Variants in KLHL1 observed in about 807,000 individuals in gnomAD.
The protein encoded by KLHL1 is kelch-like protein 1.
In KLHL1, 47 loss-of-function variants were observed where a neutral mutation model predicts 77.7. The ratio of observed to expected loss-of-function variants is 0.60; its 90% CI spans 0.48 to 0.77. The LOEUF is 0.77. Among genes scored for constraint, KLHL1 ranks in the 30% least tolerant of loss-of-function variants. KLHL1 has a pLI of 0.00. For missense variants in KLHL1, 925 were observed against 910.8 expected (o/e 1.02, Z -0.20); for synonymous variants, 360 against 325.2 (o/e 1.11, Z -1.15).
At chr13:69,985,329 T>G (rs925115599) in intron 1 of KLHL1, among the ~76,000 whole-genome samples, 1 of 151,940 alleles carries the variant, frequency 6.6e-6, no homozygotes, top group Non-Finnish European at 1.5e-5. Flanking sequence ...AAGAACTTAA[T>G]AGACATTTCT....
rs138229739 is a variant in KLHL1, at chr13:69,953,767, G to A, written c.817+7541C>T. Among the ~76,000 whole-genome samples the A allele has an allele frequency of 7.3e-5, 11 of 151,020 alleles. No homozygotes were observed. The East Asian group carries it at 2.1e-3, about 29-fold the overall frequency. On this transcript the variant is annotated intron_variant, in intron 3 of 10. Coordinates refer to ENST00000377844, the MANE Select transcript of KLHL1 (RefSeq NM_020866.3). ...TAATGCTGAAACATATAATAAATTG[G>A]ACTCAAAATTAATAAATGATTGATA... is the stretch of plus-strand genomic sequence containing the variant.
intron 7 of KLHL1, among the ~76,000 whole-genome samples, chr13:69,785,418 C>T (rs1489646912): frequency 9.2e-5 from 14 of 151,966 alleles, no homozygotes; most frequent in South Asian, 2.1e-4. Flanking sequence ...GGGTACATAA[C>T]GAAATGAAGG....
At chr13:69,955,914 TATATATATTTATATATATTTG>T (rs1165304991) in intron 3 of KLHL1, among the ~76,000 whole-genome samples, 6 of 117,152 alleles carry the variant, frequency 5.1e-5, no homozygotes, top group Non-Finnish European at 8.8e-5. Flanking sequence ...ATATATTTGA[TATATATATTTATATATATTTG>T]ATATATATTT....
chr13:69,731,606 T>C (rs1037525691), intron 8 of KLHL1, among the ~76,000 whole-genome samples: 1 of 152,216 alleles, frequency 6.6e-6, no homozygotes, highest in Non-Finnish European at 1.5e-5. Context: ...TAAAGTTCAA[T>C]AGCGAACACT....
At chr13:70,034,526 A>G (rs1886191861) in intron 1 of KLHL1, among the ~76,000 whole-genome samples, 1 of 152,232 alleles carries the variant, frequency 6.6e-6, no homozygotes, top group Admixed American at 6.5e-5. Context: ...CTGTATTTAT[A>G]TGCATCACTG....
chr13:69,775,283 T>TA lies in KLHL1; in HGVS notation c.1639+21454dup, dbSNP rs543413481. On this transcript the variant is annotated intron_variant, in intron 7 of 10. Coordinates refer to ENST00000377844, the MANE Select transcript of KLHL1 (RefSeq NM_020866.3). ...AGGTTACACTGTTGGTCAATTGTCA[T>TA]AAAAAAAAGAGGTACTAGTGACTCA... Among the ~76,000 whole-genome samples, 52 of 151,632 alleles carry TA rather than the reference T, an allele frequency of 3.4e-4. 1 individual carries two copies. In the South Asian group the frequency reaches 7.3e-3, roughly 21 times the overall value.
chr13:69,878,984 A>T (rs1474938441), intron 5 of KLHL1, among the ~76,000 whole-genome samples: 1 of 152,164 alleles, frequency 6.6e-6, no homozygotes, highest in Non-Finnish European at 1.5e-5. Context: ...CATCATTCTC[A>T]GCAAACTATC....
chr13:69,725,587 A>G (rs1260259584), intron 8 of KLHL1, among the ~76,000 whole-genome samples: 1 of 152,194 alleles, frequency 6.6e-6, no homozygotes, highest in African/African-American at 2.4e-5. Context: ...TTGGTGGACA[A>G]TTAGCCAAAC....
intron 7 of KLHL1, among the ~76,000 whole-genome samples, chr13:69,748,683 G>C (rs1874332020): frequency 6.6e-6 from 1 of 151,992 alleles, no homozygotes; most frequent in South Asian, 2.1e-4. Flanking sequence ...ATAACTCATA[G>C]TATTTGTGTG....
At chr13:69,985,641 C>A (rs1884843279) in intron 1 of KLHL1, among the ~76,000 whole-genome samples, 1 of 150,988 alleles carries the variant, frequency 6.6e-6, no homozygotes, top group South Asian at 2.1e-4. Flanking sequence ...GGGTATATGC[C>A]CAAAGGAAAT....
chr13:69,961,588 T>C (rs1884066192), intron 2 of KLHL1, 144 bp from the exon 3 acceptor site: 2 of 826,246 alleles, frequency 2.4e-6, no homozygotes, highest in African/African-American at 1.7e-5. Context: ...AGTTGTACTT[T>C]ACAAAACTGA....
intron 7 of KLHL1, among the ~76,000 whole-genome samples, chr13:69,771,349 T>C (rs1236335039): frequency 6.6e-6 from 1 of 152,140 alleles, no homozygotes; most frequent in Non-Finnish European, 1.5e-5. Context: ...CTATTATATT[T>C]AAAGTTGGCT....
At chr13:69,781,359 T>G (rs796282851) in intron 7 of KLHL1, among the ~76,000 whole-genome samples, 1 of 149,556 alleles carries the variant, frequency 6.7e-6, no homozygotes, top group Admixed American at 6.7e-5. Flanking sequence ...CTTGCTAAGA[T>G]TGGCAGAACC....
chr13:69,795,626 C>A (rs1354267034), intron 7 of KLHL1, among the ~76,000 whole-genome samples: 1 of 152,140 alleles, frequency 6.6e-6, no homozygotes, highest in Admixed American at 6.6e-5. Flanking sequence ...ATTTCATAGT[C>A]ATTTTAATTA....
At chr13:69,989,666 G>A (rs547425629) in intron 1 of KLHL1, among the ~76,000 whole-genome samples, 1 of 151,946 alleles carries the variant, frequency 6.6e-6, no homozygotes. Flanking sequence ...TCATTGTAGA[G>A]ATCCTTCACT....
At chr13:69,794,425 C>G (rs1877011003) in intron 7 of KLHL1, among the ~76,000 whole-genome samples, 1 of 151,132 alleles carries the variant, frequency 6.6e-6, no homozygotes. Context: ...CTACCATTAA[C>G]CAGCATTAGA....
chr13:69,972,996 T>C (rs1884435575), intron 2 of KLHL1, among the ~76,000 whole-genome samples: 1 of 151,984 alleles, frequency 6.6e-6, no homozygotes, highest in Admixed American at 6.6e-5. Flanking sequence ...TGATCAATTA[T>C]CTTGGGCTAT....
rs965200712 is a variant in KLHL1, at chr13:69,735,147, C to A, written c.1802+5247G>T. 2.0e-5 allele frequency among the ~76,000 whole-genome samples: 3 copies of A among 151,826 alleles called. No homozygotes were observed. In the East Asian group the frequency reaches 5.8e-4, roughly 29 times the overall value. On this transcript the variant is annotated intron_variant, in intron 8 of 10. Transcript: ENST00000377844. Reference sequence around the variant, plus strand: ...ACAGATCAAATAAGAAAACAATCATCATCTTGACAAATTCATAAAATGTAT... The same window carrying A: ...ACAGATCAAATAAGAAAACAATCATAATCTTGACAAATTCATAAAATGTAT...
intron 5 of KLHL1, among the ~76,000 whole-genome samples, chr13:69,852,982 TTAAAG>T (rs1204281888): frequency 6.6e-6 from 1 of 152,052 alleles, no homozygotes. Flanking sequence ...GGTTCCTAAC[TTAAAG>T]TAATTTATAA....
Sources: allele counts gnomAD v4.1 joint callset (sites outside exome capture counted in the v4.1 genomes callset), GRCh38; gene constraint gnomAD v4.1.1; transcripts MANE v1.5; gene names NCBI Gene and HGNC (gene_info 2026-07-23, HGNC 2026-07-21).